Variants in ZFP64 observed in about 807,000 individuals in gnomAD.
ZFP64 encodes the protein ZFP64 zinc finger protein, also known as zinc finger protein 64.
Under a neutral mutation model 51.6 loss-of-function variants are expected in ZFP64, and 14 were observed. That is an observed-to-expected ratio of 0.27 (90% CI 0.18 to 0.42). ZFP64 has a LOEUF of 0.42. Ranked by LOEUF, ZFP64 falls within the 10% of genes least tolerant of loss-of-function variation. ZFP64 has a pLI of 1.00. For missense variants in ZFP64, 754 were observed against 906.8 expected (o/e 0.83, Z 2.16); for synonymous variants, 375 against 361.4 (o/e 1.04, Z -0.43).
chr20:52,088,518 C>T lies in ZFP64; in HGVS notation c.1102G>A (p.Val368Met), dbSNP rs761645169. 4.7e-5 allele frequency: 76 copies of T among 1,614,054 alleles called. 1 individual carries two copies. In the Admixed American group the frequency reaches 6.2e-4, roughly 13 times the overall value. ...TGCTTCTTGAGGCTACTGCTGTCCACGGCAGCGTAGTCACACAGGTGACAC... is the reference window on the plus strand; with the variant it reads ...TGCTTCTTGAGGCTACTGCTGTCCATGGCAGCGTAGTCACACAGGTGACAC... Residue 368 changes from valine (V) to methionine (M), a missense_variant, in exon 8 of 9, where the codon GTG becomes ATG. By Grantham distance (21) the Val-to-Met change is conservative. Coordinates refer to the ZFP64 transcript ENST00000361387.
chr20:52,145,678 T>A (rs144067389), intron 5 of ZFP64, among the ~76,000 whole-genome samples: 122 of 152,196 alleles, frequency 8.0e-4, no homozygotes, highest in Middle Eastern at 3.4e-3. Context: ...AGTAAAAGTA[T>A]GGTATAAAAG....
intron 5 of ZFP64, among the ~76,000 whole-genome samples, chr20:52,135,532 T>C (rs997378647): frequency 1.3e-5 from 2 of 152,022 alleles, no homozygotes; most frequent in Non-Finnish European, 2.9e-5. Context: ...CAGTCTGGAG[T>C]GCAGTGGTGT....
At chr20:52,117,804 T>C (rs1978958611) in intron 5 of ZFP64, 1 of 402,630 alleles carries the variant, frequency 2.5e-6, no homozygotes, top group African/African-American at 2.1e-5. Flanking sequence ...TTATTCTTTT[T>C]GAGATGGAGT....
intron 5 of ZFP64, among the ~76,000 whole-genome samples, chr20:52,159,285 T>C (rs544881640): frequency 6.6e-5 from 10 of 152,390 alleles, no homozygotes; most frequent in African/African-American, 2.4e-4. Flanking sequence ...TTACCTACTC[T>C]GCTAATTTTG....
chr20:52,134,012 G>C (rs896259536), intron 5 of ZFP64, among the ~76,000 whole-genome samples: 2 of 135,730 alleles, frequency 1.5e-5, no homozygotes, highest in Non-Finnish European at 3.1e-5. Context: ...CTGGGCAACA[G>C]AGTGAGATCC....
chr20:52,104,669 C>G, intron 5 of ZFP64: 1 of 472,572 alleles, frequency 2.1e-6, no homozygotes, highest in Non-Finnish European at 4.4e-6. Context: ...AGCTCGCTCC[C>G]TCCCATCCTT....
intron 5 of ZFP64, chr20:52,105,050 G>T: frequency 1.4e-6 from 2 of 1,384,422 alleles, no homozygotes; most frequent in African/African-American, 1.5e-5. Flanking sequence ...TCCCCTGCCC[G>T]GTCCTCGTAC....
At chr20:52,124,621 T>A (rs1490432207) in intron 5 of ZFP64, among the ~76,000 whole-genome samples, 4 of 152,124 alleles carry the variant, frequency 2.6e-5, no homozygotes, top group African/African-American at 9.7e-5. Context: ...TATTATTTTT[T>A]TTTTTTGAAA....
chr20:52,126,753 T>A (rs1979463501), intron 5 of ZFP64, among the ~76,000 whole-genome samples: 1 of 152,122 alleles, frequency 6.6e-6, no homozygotes, highest in Non-Finnish European at 1.5e-5. Context: ...ATCTCCAACA[T>A]CTTATGCCTT....
chr20:52,149,415 A>T (rs1233079273), downstream of ZFP64, among the ~76,000 whole-genome samples: 1 of 152,250 alleles, frequency 6.6e-6, no homozygotes, highest in African/African-American at 2.4e-5. Context: ...ATTTAAAAAA[A>T]CTAGGTCTAG....
At chr20:52,184,385 A>G (rs935799815) in intron 2 of ZFP64, among the ~76,000 whole-genome samples, 2 of 152,286 alleles carry the variant, frequency 1.3e-5, no homozygotes, top group African/African-American at 4.8e-5. Flanking sequence ...CTACTTCACC[A>G]CAGTCCCCAC....
chr20:52,112,277 T>C (rs1978635059), intron 5 of ZFP64, among the ~76,000 whole-genome samples: 1 of 152,298 alleles, frequency 6.6e-6, no homozygotes. Flanking sequence ...AGTACATAGA[T>C]ACTACTCTAA....
chr20:52,182,232 C>T (rs1009493379), intron 2 of ZFP64, among the ~76,000 whole-genome samples: 2 of 152,122 alleles, frequency 1.3e-5, no homozygotes, highest in African/African-American at 2.4e-5. Context: ...GATTGGGATG[C>T]GAGTCCAGCA....
rs561181318 is a variant in ZFP64 at position 52,095,289 on chromosome 20, G to A, written c.976+2084C>T. ...CAGTTCTGGCCAAACAGATGAGCTCGAGTGGTGTGGCTTTAAGGTGGCAGG... is the reference window on the plus strand; with the variant it reads ...CAGTTCTGGCCAAACAGATGAGCTCAAGTGGTGTGGCTTTAAGGTGGCAGG... On this transcript the variant is annotated intron_variant, in intron 7 of 8. Transcript: ENST00000361387. Among the ~76,000 whole-genome samples, 108 of 152,266 alleles carry A rather than the reference G, an allele frequency of 7.1e-4. 1 individual carries two copies. In the South Asian group the frequency reaches 0.021, roughly 29 times the overall value.
At position 52,187,635 on chromosome 20, in the gene ZFP64, AT is replaced by A. The variant is rs201145161; in HGVS notation, c.47-565del. On this transcript the variant is annotated intron_variant, in intron 1 of 5. Coordinates refer to ENST00000216923, the MANE Select transcript of ZFP64 (RefSeq NM_018197.3). The stretch of plus-strand genomic sequence containing the variant: ...GAAACTCTGTCTCAAAAAAAAAATA[AT>A]TTTTTTTTTCAGAAAATTATGATGC... 2.9e-3 allele frequency among the ~76,000 whole-genome samples: 440 copies of A among 149,996 alleles called. 3 individuals are homozygous for A. Among genetic ancestry groups the A allele is most frequent in the Non-Finnish European group, 4.2e-3 (284 of 67,364 alleles).
At position 52,130,003 on chromosome 20, in the gene ZFP64, G is replaced by T. The variant is rs2122878484; in HGVS notation, c.763+30120C>A. On this transcript the variant is annotated intron_variant, in intron 5 of 8. Transcript: ENST00000361387. ...TCCCTGGCCACGTTCCTGCTTTAAG[G>T]TTTTTGCATTCCCTTTGCCTGGAAC... 3.3e-5 allele frequency among the ~76,000 whole-genome samples: 5 copies of T among 152,214 alleles called. No homozygotes were observed. The East Asian group carries it at 7.7e-4, about 24-fold the overall frequency.
chr20:52,085,375 C>T lies in ZFP64; in HGVS notation c.1229-109G>A. On this transcript the variant is annotated intron_variant, in intron 8 of 8. Coordinates refer to the ZFP64 transcript ENST00000361387. The surrounding 1 kb of genome is among the most constrained non-coding windows in gnomAD (Gnocchi z 4.3). ...CCATGAGATGGTTGGGTTTTGTGAACTCTAAACCCAACCTCCTAATGACAA... is the reference window on the plus strand; with the variant it reads ...CCATGAGATGGTTGGGTTTTGTGAATTCTAAACCCAACCTCCTAATGACAA... The T allele has an allele frequency of 4.2e-6, 5 of 1,192,464 alleles. No homozygotes were observed. The East Asian group carries it at 1.0e-4, about 24-fold the overall frequency. 73.9% of individuals were successfully genotyped at this position (1,192,464 alleles called of 1,614,324 possible). A position where few individuals can be genotyped will look rare whatever the true frequency, so the allele number is the denominator to read the frequency against.
downstream of ZFP64, among the ~76,000 whole-genome samples, chr20:52,150,204 C>A (rs373415820): frequency 2.0e-3 from 275 of 137,414 alleles, no homozygotes; most frequent in Non-Finnish European, 1.9e-3. Flanking sequence ...GACTCCACCT[C>A]AAAAAAAAAA....
Position 52,173,366 on chromosome 20 carries a change from C to G in ZFP64, c.287-7341G>C, listed in dbSNP as rs1029798776. ...ATTTGGGAGGCTGAGGCAGGATGAT[C>G]ACTTGAGACCAGGAGTTTGAGACCA... On this transcript the variant is annotated intron_variant, in intron 2 of 5. Transcript: ENST00000216923. Among the ~76,000 whole-genome samples, 3 of 152,174 alleles carry G rather than the reference C, an allele frequency of 2.0e-5. No individual in the cohort carries two copies. The East Asian group carries it at 5.8e-4, about 29-fold the overall frequency.
Sources: allele counts gnomAD v4.1 joint callset (sites outside exome capture counted in the v4.1 genomes callset), GRCh38; gene constraint gnomAD v4.1.1; non-coding constraint Gnocchi (gnomAD v3.1); transcripts MANE v1.5; gene names NCBI Gene and HGNC (gene_info 2026-07-23, HGNC 2026-07-21).